CCDC91: variants seen among roughly 807,000 people sequenced by gnomAD.
CCDC91 encodes the protein coiled-coil domain containing 91, also known as coiled-coil domain-containing protein 91.
In CCDC91, 48 loss-of-function variants were observed where a neutral mutation model predicts 63.2. That is an observed-to-expected ratio of 0.76 (90% CI 0.60 to 0.97). The LOEUF (loss-of-function observed/expected upper bound fraction) is 0.97. Ranked by LOEUF, CCDC91 falls within the 50% of genes least tolerant of loss-of-function variation. CCDC91 has a pLI of 0.00. For synonymous variants in CCDC91, 167 were observed against 165.8 expected (o/e 1.01, Z -0.06); for missense variants, 500 against 494.6 (o/e 1.01, Z -0.10).
At chr12:28,352,244 T>C (rs1943229683) in intron 6 of CCDC91, among the ~76,000 whole-genome samples, 1 of 152,220 alleles carries the variant, frequency 6.6e-6, no homozygotes, top group Non-Finnish European at 1.5e-5. Flanking sequence ...CTGCTGTTGA[T>C]AAGGGTGGTG....
chr12:28,243,130 C>T (rs1409057106), intron 1 of CCDC91, among the ~76,000 whole-genome samples: 3 of 152,200 alleles, frequency 2.0e-5, no homozygotes, highest in African/African-American at 7.2e-5. Context: ...AGTGGGTTTA[C>T]AGCAAACAGA....
chr12:28,399,177 G>A (rs766025059), intron 8 of CCDC91, among the ~76,000 whole-genome samples: 4 of 152,144 alleles, frequency 2.6e-5, no homozygotes, highest in Non-Finnish European at 2.9e-5. Context: ...AAATGAAAGA[G>A]GTTTAATTGA....
intron 6 of CCDC91, among the ~76,000 whole-genome samples, chr12:28,350,401 C>G (rs894351584): frequency 2.0e-5 from 3 of 152,060 alleles, no homozygotes; most frequent in Admixed American, 6.6e-5. Context: ...ATTTTTAACA[C>G]TTAGGTAAGA....
intron 3 of CCDC91, among the ~76,000 whole-genome samples, chr12:28,280,066 T>C (rs1225153240): frequency 1.3e-5 from 2 of 152,074 alleles, no homozygotes; most frequent in Admixed American, 6.6e-5. Context: ...TTTTTAAAAA[T>C]TTGTCTCAAA....
chr12:28,267,706 AT>A (rs1352510573), intron 3 of CCDC91, among the ~76,000 whole-genome samples: 8 of 115,096 alleles, frequency 7.0e-5, no homozygotes, highest in African/African-American at 2.4e-4. Context: ...ATTATATATA[AT>A]TATATAATTA....
At chr12:28,510,695 C>T (rs925432584) in intron 12 of CCDC91, among the ~76,000 whole-genome samples, 8 of 151,830 alleles carry the variant, frequency 5.3e-5, no homozygotes, top group South Asian at 2.1e-4. Context: ...AATTAACCAC[C>T]GCAGATAATG....
At chr12:28,334,133 T>G (rs1201784141) in intron 6 of CCDC91, among the ~76,000 whole-genome samples, 1 of 151,976 alleles carries the variant, frequency 6.6e-6, no homozygotes, top group Non-Finnish European at 1.5e-5. Flanking sequence ...TTATGAGTTT[T>G]ATTTGTTAGA....
At chr12:28,522,261 G>T (rs950096586) in intron 12 of CCDC91, among the ~76,000 whole-genome samples, 4 of 152,134 alleles carry the variant, frequency 2.6e-5, no homozygotes, top group Admixed American at 2.0e-4. Flanking sequence ...CCTGTTATTG[G>T]TCTATTCGGG....
intron 8 of CCDC91, among the ~76,000 whole-genome samples, chr12:28,396,843 T>C (rs913320829): frequency 1.3e-5 from 2 of 152,026 alleles, no homozygotes; most frequent in African/African-American, 4.8e-5. Flanking sequence ...GGGTTGAAAA[T>C]TTTTAGTTTT....
At chr12:28,531,253 C>T (rs1248248905) in intron 12 of CCDC91, among the ~76,000 whole-genome samples, 2 of 152,002 alleles carry the variant, frequency 1.3e-5, no homozygotes, top group African/African-American at 2.4e-5. Flanking sequence ...TGAGAGCGCT[C>T]AGTACTTTAA....
chr12:28,237,334 A>G (rs540585401), intron 1 of CCDC91, among the ~76,000 whole-genome samples: 1 of 151,952 alleles, frequency 6.6e-6, no homozygotes, highest in African/African-American at 2.4e-5. Context: ...GGAACCTGTA[A>G]GTGTTACCTT....
intron 8 of CCDC91, among the ~76,000 whole-genome samples, chr12:28,415,621 T>C (rs1378629635): frequency 1.3e-5 from 2 of 152,092 alleles, no homozygotes; most frequent in African/African-American, 4.8e-5. Flanking sequence ...TTTTGTAATA[T>C]TGATTTGCAT....
intron 11 of CCDC91, among the ~76,000 whole-genome samples, chr12:28,456,775 A>G (rs1950077089): frequency 6.6e-6 from 1 of 152,114 alleles, no homozygotes; most frequent in South Asian, 2.1e-4. Context: ...TAAATGTGTG[A>G]TGCTTATTCA....
intron 3 of CCDC91, among the ~76,000 whole-genome samples, chr12:28,267,947 T>TATAGATA (rs1565701628): frequency 2.0e-5 from 2 of 101,654 alleles, no homozygotes; most frequent in Non-Finnish European, 3.7e-5. Context: ...TATATATAAT[T>TATAGATA]ATTATATATA....
At chr12:28,320,354 A>T (rs1940363292) in intron 6 of CCDC91, among the ~76,000 whole-genome samples, 1 of 151,878 alleles carries the variant, frequency 6.6e-6, no homozygotes, top group African/African-American at 2.4e-5. Flanking sequence ...TAGTCAATAC[A>T]TGTTTTCGAC....
chr12:28,362,782 T>C (rs1027178752), intron 7 of CCDC91, among the ~76,000 whole-genome samples: 2 of 152,164 alleles, frequency 1.3e-5, no homozygotes, highest in South Asian at 4.1e-4. Flanking sequence ...CAAAATAATA[T>C]AGAATTAGTT....
chr12:28,285,395 G>T lies in CCDC91; in HGVS notation c.110-20254G>T, dbSNP rs530822311. Among the ~76,000 whole-genome samples the T allele has an allele frequency of 5.3e-4, 80 of 152,138 alleles. 1 individual carries two copies. Among genetic ancestry groups the T allele is most frequent in the African/African-American group, 1.9e-3 (77 of 41,502 alleles). On this transcript the variant is annotated intron_variant, in intron 3 of 12. Transcript: ENST00000536442. ...TAAGCTTATGAAACTTAAATATGAA[G>T]CCTGAATGTTAAGTTAATTTACAAG... is the stretch of plus-strand genomic sequence containing the variant.
intron 8 of CCDC91, among the ~76,000 whole-genome samples, chr12:28,436,751 C>A (rs1468481656): frequency 1.3e-5 from 2 of 151,658 alleles, no homozygotes; most frequent in Non-Finnish European, 2.9e-5. Context: ...GTACACAATT[C>A]CAGATTTTTT....
At chr12:28,434,023 T>C (rs1948767704) in intron 8 of CCDC91, among the ~76,000 whole-genome samples, 1 of 151,922 alleles carries the variant, frequency 6.6e-6, no homozygotes, top group African/African-American at 2.4e-5. Context: ...GGAAAAAGAT[T>C]GACTGTTCTA....
Sources: gnomAD v4.1 joint callset for allele counts (sites outside exome capture counted in the v4.1 genomes callset) on GRCh38, gnomAD v4.1.1 for gene constraint, MANE v1.5 for transcripts, NCBI Gene and HGNC (gene_info 2026-07-23, HGNC 2026-07-21) for gene names.